Variants in ATN1 observed in about 807,000 individuals in gnomAD.
ATN1 encodes the protein atrophin-1.
In ATN1, 19 loss-of-function variants were observed where a neutral mutation model predicts 85.8. That is an observed-to-expected ratio of 0.22 (90% CI 0.15 to 0.32). The LOEUF (loss-of-function observed/expected upper bound fraction) is 0.32. Ranked by LOEUF, ATN1 falls within the 10% of genes least tolerant of loss-of-function variation. The pLI is 1.00. For synonymous variants in ATN1, 674 were observed against 657.0 expected (o/e 1.03, Z -0.39); for missense variants, 1,453 against 1,564.5 (o/e 0.93, Z 1.20).
chr12:6,939,220 T>C (rs1945600522), intron 7 of ATN1, 43 bp downstream of exon 7: 1 of 1,545,284 alleles, frequency 6.5e-7, no homozygotes, highest in African/African-American at 1.4e-5. Flanking sequence ...GGGGCCACCT[T>C]CCCCCTATCA....
rs1160217430 is a variant in ATN1, at chr12:6,937,995, G to GGAGCGC, written c.2457_2462dup (p.Arg823_Glu824dup). ...CCGAGCAGCGCGCGCGCGAAGAAAA[G>GGAGCGC]GAGCGCGAGCGCGAGCGGGAACGCG... On this transcript the variant is annotated inframe_insertion, in exon 6 of 10. Transcript: ENST00000396684. This position sits in a 1 kb window ranked among gnomAD's most constrained non-coding sequence, Gnocchi z 6.0. 52 of 1,546,076 alleles carry GGAGCGC rather than the reference G, an allele frequency of 3.4e-5. No individual in the cohort carries two copies. Among genetic ancestry groups the GGAGCGC allele is most frequent in the Admixed American group, 1.2e-4 (6 of 50,782 alleles).
rs1481361048 is a variant in ATN1, at chr12:6,935,942, T to A, written c.675T>A (p.Gly225=). Residue 225 remains glycine, a synonymous_variant, in exon 5 of 10, where the codon GGT becomes GGA. Coordinates refer to ENST00000396684, the MANE Select transcript of ATN1 (RefSeq NM_001940.4). The surrounding 1 kb of genome is among the most constrained non-coding windows in gnomAD (Gnocchi z 5.3). ...CACAGCTCTATCCTGGGGGCACTGGTGGAGTTTTGTCTGGACCCCCAATGG... is the reference window on the plus strand; with the variant it reads ...CACAGCTCTATCCTGGGGGCACTGGAGGAGTTTTGTCTGGACCCCCAATGG... ...PHPQLYPGGT[G]GVLSGPPMGP... is the part of the protein sequence containing the mutation. The A allele has an allele frequency of 6.3e-7, 1 of 1,596,102 alleles. No individual in the cohort carries two copies. The highest frequency in any genetic ancestry group is 1.3e-5 in the African/African-American group (1 of 74,444).
At position 6,938,942 on chromosome 12, in the gene ATN1, G is replaced by A. The variant is rs1555144302; in HGVS notation, c.2979G>A (p.Pro993=). The A allele has an allele frequency of 2.5e-6, 4 of 1,613,706 alleles. No individual in the cohort carries two copies. The highest frequency in any genetic ancestry group is 1.3e-5 in the African/African-American group (1 of 74,912). ...PPGLHPFPFH[P]SLGPLERERL... ...GCCTGCACCCTTTCCCCTTTCATCC[G>A]AGCCTGGGGCCCCTGGAGCGAGAAC... is the stretch of plus-strand genomic sequence containing the variant. Residue 993 remains proline, a synonymous_variant, in exon 7 of 10, where the codon CCG becomes CCA. Transcript: ENST00000396684.
At chr12:6,925,141 TGAGAGA>T (rs112382496), upstream of ATN1, among the ~76,000 whole-genome samples, 3,660 of 147,594 alleles carry the variant, frequency 0.025, 148 homozygotes, top group African/African-American at 0.086. Context: ...TGTGTGTGTG[TGAGAGA>T]GAGAGAGAGA....
chr12:6,925,859 A>G (rs1246761691), upstream of ATN1, among the ~76,000 whole-genome samples: 1 of 152,208 alleles, frequency 6.6e-6, no homozygotes, highest in Non-Finnish European at 1.5e-5. Flanking sequence ...TGGCCCCACA[A>G]GTACCCGACC....
In ATN1 at chr12:6,941,228, C is replaced by A. The variant is rs1282189441; in HGVS notation, c.3359-146C>A. ...TAAGAGGTTCGAATCCCAATTCCAC[C>A]CTACCACTGGCAACTTACAGAACTG... On this transcript the variant is annotated intron_variant, in intron 8 of 9. Coordinates refer to ENST00000396684, the MANE Select transcript of ATN1 (RefSeq NM_001940.4). This position sits in a 1 kb window ranked among gnomAD's most constrained non-coding sequence, Gnocchi z 5.9. 1 of 1,207,262 alleles carries A rather than the reference C, an allele frequency of 8.3e-7. No individual in the cohort carries two copies. The highest frequency in any genetic ancestry group is 1.1e-6 in the Non-Finnish European group (1 of 871,526). The allele number at this position is 1,207,262 out of a possible 1,614,324, so 74.8% of individuals were successfully genotyped here. A position where few individuals can be genotyped will look rare whatever the true frequency, so the allele number is the denominator to read the frequency against.
Position 6,935,478 on chromosome 12 carries a change from C to T in ATN1, c.280-69C>T. On this transcript the variant is annotated intron_variant, in intron 4 of 9. Coordinates refer to ENST00000396684, the MANE Select transcript of ATN1 (RefSeq NM_001940.4). The surrounding 1 kb of genome is among the most constrained non-coding windows in gnomAD (Gnocchi z 5.3). ...TGCTGTGAGGGGAAATGATTTTATG[C>T]AAGAGAGCCCCAAATCTCAGGGAAG... The T allele has an allele frequency of 7.2e-7, 1 of 1,380,586 alleles. No individual in the cohort carries two copies. The highest frequency in any genetic ancestry group is 1.3e-5 in the South Asian group (1 of 76,098). 85.5% of individuals were successfully genotyped at this position (1,380,586 alleles called of 1,614,324 possible). A position where few individuals can be genotyped will look rare whatever the true frequency, so the allele number is the denominator to read the frequency against.
intron 7 of ATN1, among the ~76,000 whole-genome samples, chr12:6,940,483 G>A (rs782671866): frequency 3.3e-5 from 5 of 152,090 alleles, no homozygotes; most frequent in South Asian, 2.1e-4. Context: ...GGCCAGGCTG[G>A]TCTTGAACTC....
chr12:6,936,222 G>C lies in ATN1; in HGVS notation c.955G>C (p.Gly319Arg), dbSNP rs1555143614. The C allele has an allele frequency of 6.2e-7, 1 of 1,601,070 alleles. No homozygotes were observed. The highest frequency in any genetic ancestry group is 1.1e-5 in the South Asian group (1 of 89,130). Residue 319 changes from glycine to arginine, a missense_variant, in exon 5 of 10, where the codon GGC (glycine) becomes CGC (arginine). Gly to Arg is a moderately radical substitution (Grantham distance 125, BLOSUM62 -2). This residue lies in a region of ATN1 where 990 missense variants were observed against 914.8 expected (regional missense o/e 1.08). Transcript: ENST00000396684. Reference sequence around the variant, plus strand: ...CAACAATGCATCAGCCTCTCCCCCTGGCCTGGGGGCCCAACCACTACCTGG... The same window carrying C: ...CAACAATGCATCAGCCTCTCCCCCTCGCCTGGGGGCCCAACCACTACCTGG... Reference protein sequence around the residue: ...PLNNASASPPGLGAQPLPGHL... With the variant: ...PLNNASASPPRLGAQPLPGHL...
At position 6,936,608 on chromosome 12, in the gene ATN1, C is replaced by T. The variant is rs782531474; in HGVS notation, c.1341C>T (p.Pro447=). The T allele has an allele frequency of 6.8e-6, 11 of 1,612,430 alleles. No homozygotes were observed. Among genetic ancestry groups the T allele is most frequent in the Non-Finnish European group, 9.3e-6 (11 of 1,179,096 alleles). The change falls in exon 5 of 10, where the codon CCC becomes CCT. Residue 447 remains proline (P), a synonymous_variant. Transcript: ENST00000396684. ...VWSQGPPPPP[P]YGRLLANSNA... is the part of the protein sequence containing the mutation. ...GCCAGGGTCCCCCACCACCTCCTCC[C>T]TATGGCCGCCTCTTAGCCAACAGCA...
chr12:6,931,417 A>T (rs1335126761), intron 1 of ATN1, among the ~76,000 whole-genome samples: 7 of 149,616 alleles, frequency 4.7e-5, no homozygotes, highest in Admixed American at 2.7e-4. Context: ...TTGAAAAAAA[A>T]AAAAAAAAAA....
At chr12:6,926,122 C>G (rs1464702733), upstream of ATN1, among the ~76,000 whole-genome samples, 2 of 152,142 alleles carry the variant, frequency 1.3e-5, no homozygotes, top group African/African-American at 4.8e-5. Flanking sequence ...CTGCCAGAGG[C>G]TACCTGGAGA....
At chr12:6,940,197 G>A (rs1477289462) in intron 7 of ATN1, among the ~76,000 whole-genome samples, 3 of 151,972 alleles carry the variant, frequency 2.0e-5, no homozygotes, top group Non-Finnish European at 4.4e-5. Flanking sequence ...TCACCATGTT[G>A]GCCAGGATAG....
At position 6,939,045 on chromosome 12, in the gene ATN1, G is replaced by T; in HGVS notation, c.3082G>T (p.Ala1028Ser). The T allele has an allele frequency of 1.2e-6, 2 of 1,607,730 alleles. No individual in the cohort carries two copies. Among genetic ancestry groups the T allele is most frequent in the Non-Finnish European group, 1.7e-6 (2 of 1,179,996 alleles). Reference sequence around the variant, plus strand: ...GCGGCTGGCAGCTGAGAGGCAGCACGCAGAAAGGGTGGCGGCCCTGGGCAA... The same window carrying T: ...GCGGCTGGCAGCTGAGAGGCAGCACTCAGAAAGGGTGGCGGCCCTGGGCAA... The part of the protein sequence containing the change: ...AERLAAERQH[A>S]ERVAALGNDP... The change falls in exon 7 of 10, where the codon GCA (alanine) becomes TCA (serine). Residue 1028 changes from alanine (A) to serine (S), a missense_variant. Transcript: ENST00000396684.
At chr12:6,924,475 G>T (rs1945376969), upstream of ATN1, 1 of 152,280 alleles carries the variant, frequency 6.6e-6, no homozygotes, top group Non-Finnish European at 1.5e-5. Flanking sequence ...CGCCATACTG[G>T]ACGCCAAGTG....
intron 6 of ATN1, 58 bp from the exon 7 acceptor site, chr12:6,938,423 A>G: frequency 2.0e-6 from 3 of 1,532,396 alleles, no homozygotes; most frequent in Non-Finnish European, 2.6e-6. Flanking sequence ...GCAGCTTAAA[A>G]CCAGCCACCT....
Position 6,937,673 on chromosome 12 carries a change from G to C in ATN1, c.2294+112G>C. 7.0e-7 allele frequency: 1 copy of C among 1,427,986 alleles called. No homozygotes were observed. The highest frequency in any genetic ancestry group is 9.2e-7 in the Non-Finnish European group (1 of 1,088,878). 88.5% of individuals were successfully genotyped at this position (1,427,986 alleles called of 1,614,324 possible). A position where few individuals can be genotyped will look rare whatever the true frequency, so the allele number is the denominator to read the frequency against. On this transcript the variant is annotated intron_variant, in intron 5 of 9. Transcript: ENST00000396684. The surrounding 1 kb of genome is among the most constrained non-coding windows in gnomAD (Gnocchi z 6.0). ...TGCGCTGGTGTAGTGTTTTAGAAAAGCACGCCCCTCTCCTCCGTCCAGGCC... is the reference window on the plus strand; with the variant it reads ...TGCGCTGGTGTAGTGTTTTAGAAAACCACGCCCCTCTCCTCCGTCCAGGCC...
chr12:6,938,199 G>T, intron 6 of ATN1, 132 bp downstream of exon 6: 2 of 1,431,924 alleles, frequency 1.4e-6, no homozygotes, highest in Non-Finnish European at 1.8e-6. Context: ...ACCTGTCGGA[G>T]GGGAGGTACC....
rs1311431378 is a variant in ATN1 at position 6,936,926 on chromosome 12, C to T, written c.1659C>T (p.His553=). ...PPGPAHLPPP[H]SQVSYSQAGP... is the part of the protein sequence containing the mutation. Reference sequence around the variant, plus strand: ...GGCCAGCACACCTGCCCCCACCTCACAGCCAGGTGTCCTACAGCCAAGCAG... The same window carrying T: ...GGCCAGCACACCTGCCCCCACCTCATAGCCAGGTGTCCTACAGCCAAGCAG... The change falls in exon 5 of 10, where the codon CAC becomes CAT. Residue 553 remains histidine (H), a synonymous_variant. Transcript: ENST00000396684. 3.6e-5 allele frequency: 58 copies of T among 1,613,964 alleles called. No individual in the cohort carries two copies. The highest frequency in any genetic ancestry group is 4.9e-5 in the Non-Finnish European group (58 of 1,180,004).
Sources: gnomAD v4.1 joint callset for allele counts (sites outside exome capture counted in the v4.1 genomes callset) on GRCh38, gnomAD v4.1.1 for gene constraint, gnomAD v4.1.1 regional missense constraint, Gnocchi (gnomAD v3.1) non-coding constraint, MANE v1.5 for transcripts, NCBI Gene and HGNC (gene_info 2026-07-23, HGNC 2026-07-21) for gene names.